Variants in MTNR1A observed in about 807,000 individuals in gnomAD.
MTNR1A encodes melatonin receptor 1A.
A neutral mutation model predicts 5.5 loss-of-function variants in MTNR1A; 7 were observed. The ratio of observed to expected loss-of-function variants is 1.28; its 90% CI spans 0.73 to 2.40. MTNR1A has a LOEUF of 2.40. MTNR1A is among the 30% of genes most tolerant of loss of function. The probability of loss-of-function intolerance (pLI) is 0.00; values close to 1 mark genes in which losing one functional copy is unlikely to be tolerated. For missense variants in MTNR1A, 441 were observed against 464.4 expected (o/e 0.95, Z 0.46); for synonymous variants, 196 against 202.7 (o/e 0.97, Z 0.28).
chr4:186,541,700 G>A (rs928130886), intron 1 of MTNR1A, among the ~76,000 whole-genome samples: 1 of 152,190 alleles, frequency 6.6e-6, no homozygotes, highest in African/African-American at 2.4e-5. Context: ...CTCCATGTGA[G>A]GGATCTAGGC....
intron 1 of MTNR1A, among the ~76,000 whole-genome samples, chr4:186,550,206 A>G (rs1028547864): frequency 6.6e-6 from 1 of 152,212 alleles, no homozygotes; most frequent in Non-Finnish European, 1.5e-5. Flanking sequence ...GAGGGGCAGA[A>G]GTGAGGCTGC....
At chr4:186,540,824 T>TCTGACTGAAGGACCAGGTGCTGTCTGA (rs1737002136) in intron 1 of MTNR1A, among the ~76,000 whole-genome samples, 3 of 99,620 alleles carry the variant, frequency 3.0e-5, no homozygotes, top group South Asian at 4.1e-4. Flanking sequence ...CCAGGTGCTG[T>TCTGACTGAAGGACCAGGTGCTGTCTGA]CTGACTGAAG....
chr4:186,554,178 C>G (rs1168640642), intron 1 of MTNR1A, among the ~76,000 whole-genome samples: 1 of 147,566 alleles, frequency 6.8e-6, no homozygotes, highest in East Asian at 2.1e-4. Flanking sequence ...ATTCATATTA[C>G]TAAGTGCTTA....
At chr4:186,544,791 G>A (rs756431402) in intron 1 of MTNR1A, among the ~76,000 whole-genome samples, 3 of 152,158 alleles carry the variant, frequency 2.0e-5, no homozygotes, top group Non-Finnish European at 4.4e-5. Context: ...CTCATCCTCT[G>A]TCTTTCAGAG....
chr4:186,541,772 C>G lies in MTNR1A; in HGVS notation c.185-7215G>C, dbSNP rs555863983. Among the ~76,000 whole-genome samples the G allele has an allele frequency of 2.6e-5, 4 of 152,134 alleles. No homozygotes were observed. The South Asian group carries it at 8.3e-4, about 32-fold the overall frequency. On this transcript the variant is annotated intron_variant, in intron 1 of 1. Transcript: ENST00000307161. ...GATTTGAGGTGGGACAGTTTCATCC[C>G]GAAACCATTCCCCCACCCTGTCCTG...
rs1363254430 is a variant in MTNR1A at position 186,555,184 on chromosome 4, G to A, written c.182C>T (p.Ala61Val). The A allele has an allele frequency of 6.3e-7, 1 of 1,591,562 alleles. No individual in the cohort carries two copies. Among genetic ancestry groups the A allele is most frequent in the Non-Finnish European group, 8.5e-7 (1 of 1,169,634 alleles). Reference protein sequence around the residue: ...SVYRNKKLRNAGNIFVVSLAV... With the variant: ...SVYRNKKLRNVGNIFVVSLAV... ...AGGGGAGGCGGCGCGGGCCCTACCT[G>A]CGTTCCTGAGCTTCTTGTTCCGATA... Residue 61 changes from alanine to valine, a missense_variant and splice_region_variant, in exon 1 of 2, where the codon GCA becomes GTA. Physicochemically the swap from Ala to Val is moderately conservative, Grantham distance 64 (BLOSUM62 0). Transcript: ENST00000307161. This position sits in a 1 kb window ranked among gnomAD's most constrained non-coding sequence, Gnocchi z 4.1.
chr4:186,538,976 T>C (rs1736943871), intron 1 of MTNR1A, among the ~76,000 whole-genome samples: 1 of 152,078 alleles, frequency 6.6e-6, no homozygotes, highest in Non-Finnish European at 1.5e-5. Context: ...TCCCAGCACT[T>C]TGGGAGGCCG....
chr4:186,553,451 GTTC>G (rs1466970604), intron 1 of MTNR1A, among the ~76,000 whole-genome samples: 1 of 152,324 alleles, frequency 6.6e-6, no homozygotes, highest in East Asian at 1.9e-4. Flanking sequence ...GAGTTCTTAA[GTTC>G]TTCTTCAGAA....
chr4:186,545,284 G>A (rs185923200), intron 1 of MTNR1A, among the ~76,000 whole-genome samples: 14 of 152,154 alleles, frequency 9.2e-5, no homozygotes, highest in East Asian at 3.9e-4. Flanking sequence ...CAACCATACC[G>A]GGTAGGAGTT....
chr4:186,543,548 T>C (rs146227227), intron 1 of MTNR1A, among the ~76,000 whole-genome samples: 2 of 152,350 alleles, frequency 1.3e-5, no homozygotes, highest in African/African-American at 4.8e-5. Flanking sequence ...AATTTGTGAA[T>C]ATAGTAATAA....
chr4:186,543,184 T>A (rs1737064650), intron 1 of MTNR1A, among the ~76,000 whole-genome samples: 1 of 151,342 alleles, frequency 6.6e-6, no homozygotes, highest in Non-Finnish European at 1.5e-5. Context: ...AGGAGGGGGG[T>A]TACTGTGCTT....
intron 1 of MTNR1A, among the ~76,000 whole-genome samples, chr4:186,538,293 C>T (rs750014517): frequency 4.6e-5 from 7 of 152,222 alleles, no homozygotes; most frequent in South Asian, 2.1e-4. Context: ...GTGTCAACTT[C>T]GCGAAGCTGA....
At chr4:186,544,319 T>C (rs776495656) in intron 1 of MTNR1A, among the ~76,000 whole-genome samples, 1 of 152,206 alleles carries the variant, frequency 6.6e-6, no homozygotes, top group Non-Finnish European at 1.5e-5. Flanking sequence ...ATGCCCGGCC[T>C]GCAGCAGCCA....
intron 1 of MTNR1A, among the ~76,000 whole-genome samples, chr4:186,536,165 G>A (rs1399923549): frequency 1.3e-5 from 2 of 151,884 alleles, no homozygotes; most frequent in African/African-American, 4.8e-5. Flanking sequence ...GGCCAACATG[G>A]TGACACCCCG....
chr4:186,534,415 C>T lies in MTNR1A; in HGVS notation c.327G>A (p.Leu109=), dbSNP rs1459729385. 1.2e-6 allele frequency: 2 copies of T among 1,614,124 alleles called. No individual in the cohort carries two copies. Among genetic ancestry groups the T allele is most frequent in the Admixed American group, 3.3e-5 (2 of 60,020 alleles). Residue 109 remains leucine (L), a synonymous_variant, in exon 2 of 2, where the codon CTG becomes CTA. Coordinates refer to ENST00000307161, the MANE Select transcript of MTNR1A (RefSeq NM_005958.4). The stretch of plus-strand genomic sequence containing the variant: ...TGTTGAATATGGAGCCGATGACGCT[C>T]AGGCCCATCAGGAACCCACTGACTT... ...HCQVSGFLMG[L]SVIGSIFNIT...
chr4:186,553,792 T>G (rs7694438), intron 1 of MTNR1A, among the ~76,000 whole-genome samples: 142,914 of 152,330 alleles, frequency 0.94, 67,146 homozygotes, highest in East Asian at 1. Context: ...GATTACAGGC[T>G]TGAGCCATCG....
chr4:186,549,525 C>T (rs11132402), intron 1 of MTNR1A, among the ~76,000 whole-genome samples: 131,103 of 152,144 alleles, frequency 0.86, 57,157 homozygotes, highest in East Asian at 0.93. Context: ...ATTGTTCTCT[C>T]CTCGTAAGAT....
intron 1 of MTNR1A, among the ~76,000 whole-genome samples, chr4:186,551,671 C>T (rs1293250145): frequency 6.6e-6 from 1 of 152,036 alleles, no homozygotes; most frequent in Non-Finnish European, 1.5e-5. Flanking sequence ...GTTTATCCTT[C>T]TAGTATCCCT....
rs115571015 is a variant in MTNR1A at position 186,545,800 on chromosome 4, C to T, written c.184+9382G>A. ...TTGGTTTGTATTTTTTAAAATTGCACGTGCATACATGTTACCTGTATGATA... is the reference window on the plus strand; with the variant it reads ...TTGGTTTGTATTTTTTAAAATTGCATGTGCATACATGTTACCTGTATGATA... On this transcript the variant is annotated intron_variant, in intron 1 of 1. Transcript: ENST00000307161. 6.5e-3 allele frequency among the ~76,000 whole-genome samples: 992 copies of T among 152,186 alleles called. 21 individuals are homozygous for T. Among genetic ancestry groups the T allele is most frequent in the African/African-American group, 0.023 (937 of 41,488 alleles).
Sources: allele counts gnomAD v4.1 joint callset (sites outside exome capture counted in the v4.1 genomes callset), GRCh38; gene constraint gnomAD v4.1.1; non-coding constraint Gnocchi (gnomAD v3.1); transcripts MANE v1.5; gene names NCBI Gene and HGNC (gene_info 2026-07-23, HGNC 2026-07-21).